GSG1L: variants seen among roughly 807,000 people sequenced by gnomAD.
GSG1L encodes GSG1 like.
GSG1L carries 24 observed loss-of-function variants against 42.1 expected under a neutral mutation model. The ratio of observed to expected loss-of-function variants is 0.57; its 90% CI spans 0.41 to 0.80. GSG1L has a LOEUF of 0.80. Ranked by LOEUF, GSG1L falls within the 30% of genes least tolerant of loss-of-function variation. The pLI, the probability that GSG1L is intolerant of heterozygous loss-of-function variation, is 0.00. For missense variants in GSG1L, 445 were observed against 472.2 expected (o/e 0.94, Z 0.53); for synonymous variants, 215 against 203.5 (o/e 1.06, Z -0.48).
At chr16:27,960,883 G>T (rs935179488) in intron 2 of GSG1L, among the ~76,000 whole-genome samples, 1 of 152,070 alleles carries the variant, frequency 6.6e-6, no homozygotes, top group African/African-American at 2.4e-5. Flanking sequence ...GAAGGTTCTC[G>T]GTGTGGCTGC....
rs2051743 is a variant in GSG1L, at chr16:27,963,166, T to C, written c.387A>G (p.Ala129=). ...TGGGGTCACACTCACCTTTCTCCGA[T>C]GCCGGGGCCAGGTCAATGAAGCTGC... The part of the protein sequence containing the change: ...KCRSFIDLAP[A]SEKGVLWLSV... The change falls in exon 2 of 7, where the codon GCA becomes GCG. Residue 129 remains alanine, a synonymous_variant. Coordinates refer to ENST00000447459, the MANE Select transcript of GSG1L (RefSeq NM_001109763.2). The C allele has an allele frequency of 0.58, 937,852 of 1,611,970 alleles. 276,639 individuals are homozygous for C. The highest frequency in any genetic ancestry group is 0.78 in the East Asian group (35,111 of 44,852).
intron 6 of GSG1L, among the ~76,000 whole-genome samples, chr16:27,803,394 A>G (rs1204652821): frequency 6.6e-6 from 1 of 151,912 alleles, no homozygotes; most frequent in Non-Finnish European, 1.5e-5. Flanking sequence ...TCAGATACAT[A>G]TGCTCTGCAC....
Position 27,897,105 on chromosome 16 carries a change from C to T in GSG1L, c.398-12467G>A, listed in dbSNP as rs187065214. Among the ~76,000 whole-genome samples, 223 of 152,304 alleles carry T rather than the reference C, an allele frequency of 1.5e-3. 1 individual carries two copies. The highest frequency in any genetic ancestry group is 5.8e-3 in the South Asian group (28 of 4,822). On this transcript the variant is annotated intron_variant, in intron 2 of 6. Transcript: ENST00000447459. Reference sequence around the variant, plus strand: ...TCTCAAACTCCTAACCTCAGGTGATCCCCCCACCTCGGCCTCCCAAAGTGC... The same window carrying T: ...TCTCAAACTCCTAACCTCAGGTGATTCCCCCACCTCGGCCTCCCAAAGTGC...
At chr16:27,803,063 C>G (rs866753750) in intron 6 of GSG1L, among the ~76,000 whole-genome samples, 11 of 152,180 alleles carry the variant, frequency 7.2e-5, no homozygotes, top group African/African-American at 2.7e-4. Flanking sequence ...CCTTCACAAA[C>G]TGACCCCTCC....
intron 2 of GSG1L, among the ~76,000 whole-genome samples, chr16:27,897,329 C>T (rs984418081): frequency 6.6e-6 from 1 of 152,074 alleles, no homozygotes; most frequent in African/African-American, 2.4e-5. Context: ...GACAGGGTCT[C>T]GTGCTATCAC....
rs567621268 is a variant in GSG1L, at chr16:27,851,378, T to A, written c.551-6317A>T. ...TGCCTGGCTGACATTTTTATTTTTG[T>A]AGAAACAGGGTCTCATTATGTTGTC... On this transcript the variant is annotated intron_variant, in intron 3 of 6. Transcript: ENST00000447459. Among the ~76,000 whole-genome samples the A allele has an allele frequency of 1.1e-3, 175 of 152,188 alleles. 1 individual carries two copies. The highest frequency in any genetic ancestry group is 3.6e-3 in the African/African-American group (150 of 41,516).
At chr16:27,836,520 C>A (rs1049796269) in intron 4 of GSG1L, among the ~76,000 whole-genome samples, 1 of 152,000 alleles carries the variant, frequency 6.6e-6, no homozygotes, top group African/African-American at 2.4e-5. Flanking sequence ...TCTAGAGGTC[C>A]TTAAGGCTCT....
chr16:27,803,800 G>GATAGATAGATAT (rs2082917570), intron 6 of GSG1L, among the ~76,000 whole-genome samples: 20 of 74,246 alleles, frequency 2.7e-4, no homozygotes, highest in African/African-American at 1.0e-3. Context: ...TATATAGATA[G>GATAGATAGATAT]ATAGATATAG....
intron 1 of GSG1L, among the ~76,000 whole-genome samples, chr16:28,047,106 A>G (rs886727701): frequency 7.9e-5 from 12 of 152,214 alleles, no homozygotes; most frequent in Non-Finnish European, 1.5e-4. Flanking sequence ...ACCAGCACCC[A>G]TATGAATAAA....
chr16:27,946,550 AAAG>A (rs1194085266), intron 2 of GSG1L, among the ~76,000 whole-genome samples: 2 of 28,862 alleles, frequency 6.9e-5, no homozygotes, highest in African/African-American at 1.8e-4. Context: ...GTCTCAAAAA[AAAG>A]AAAGAAAGAA....
At chr16:27,942,935 C>T (rs944444669) in intron 2 of GSG1L, among the ~76,000 whole-genome samples, 1 of 152,220 alleles carries the variant, frequency 6.6e-6, no homozygotes, top group Non-Finnish European at 1.5e-5. Context: ...GGTTCTCAGA[C>T]TGGAGTATGC....
chr16:28,033,216 T>A (rs1456453258), intron 1 of GSG1L, among the ~76,000 whole-genome samples: 1 of 152,146 alleles, frequency 6.6e-6, no homozygotes, highest in East Asian at 1.9e-4. Context: ...TCTCTTACCG[T>A]CCTCTAGGTA....
chr16:27,878,524 G>A (rs527758066), intron 3 of GSG1L, among the ~76,000 whole-genome samples: 1 of 152,154 alleles, frequency 6.6e-6, no homozygotes, highest in Non-Finnish European at 1.5e-5. Context: ...TACAATTCAA[G>A]GTGAGATTTG....
At chr16:27,945,636 C>G (rs2084852304) in intron 2 of GSG1L, among the ~76,000 whole-genome samples, 1 of 152,212 alleles carries the variant, frequency 6.6e-6, no homozygotes, top group African/African-American at 2.4e-5. Flanking sequence ...AAACCCCAGC[C>G]GGTTCTGCGG....
At chr16:27,985,811 C>A (rs1204693750) in intron 1 of GSG1L, among the ~76,000 whole-genome samples, 1 of 152,084 alleles carries the variant, frequency 6.6e-6, no homozygotes, top group Non-Finnish European at 1.5e-5. Flanking sequence ...CCAGCCTGGG[C>A]AACAAGAGTG....
At chr16:27,913,045 A>G (rs1321458009) in intron 2 of GSG1L, among the ~76,000 whole-genome samples, 1 of 150,826 alleles carries the variant, frequency 6.6e-6, no homozygotes, top group Non-Finnish European at 1.5e-5. Flanking sequence ...CTGCTCTGAA[A>G]CTCCTGGGCT....
intron 5 of GSG1L, among the ~76,000 whole-genome samples, chr16:27,813,604 T>G (rs1744205278): frequency 6.6e-6 from 1 of 152,216 alleles, no homozygotes; most frequent in South Asian, 2.1e-4. Context: ...GTGTTGCCAT[T>G]CTGGAAAGAG....
intron 2 of GSG1L, among the ~76,000 whole-genome samples, chr16:27,951,808 A>G (rs761991517): frequency 1.3e-5 from 2 of 152,232 alleles, no homozygotes; most frequent in Non-Finnish European, 2.9e-5. Context: ...AGTGAGCAGC[A>G]GAATTGTAAA....
At chr16:27,902,368 C>T (rs972448211) in intron 2 of GSG1L, among the ~76,000 whole-genome samples, 6 of 152,142 alleles carry the variant, frequency 3.9e-5, no homozygotes, top group African/African-American at 1.2e-4. Flanking sequence ...TGAGAAAAGG[C>T]CACGGGCTTT....
Sources: gnomAD v4.1 joint callset for allele counts (sites outside exome capture counted in the v4.1 genomes callset) on GRCh38, gnomAD v4.1.1 for gene constraint, MANE v1.5 for transcripts, NCBI Gene and HGNC (gene_info 2026-07-23, HGNC 2026-07-21) for gene names.